MGMT: variants seen among roughly 807,000 people sequenced by gnomAD.
MGMT encodes the protein O-6-methylguanine-DNA methyltransferase, also known as methylated-DNA--protein-cysteine methyltransferase.
MGMT carries 14 observed loss-of-function variants against 15.9 expected under a neutral mutation model. The ratio of observed to expected loss-of-function variants is 0.88; its 90% confidence interval spans 0.58 to 1.37. The LOEUF is 1.37. Ranked by LOEUF, MGMT falls within the 40% of genes most tolerant of loss-of-function variation. The pLI is 0.00. For synonymous variants in MGMT, 130 were observed against 118.2 expected, an observed-to-expected ratio of 1.10 and a Z score of -0.65; for missense variants, 282 against 268.1, an observed-to-expected ratio of 1.05 and a Z score of -0.36.
intron 2 of MGMT, among the ~76,000 whole-genome samples, chr10:129,593,655 T>C (rs1299870760): frequency 5.9e-5 from 9 of 152,286 alleles, no homozygotes; most frequent in African/African-American, 1.9e-4. Context: ...CAACAATGGG[T>C]GGCTGAGGCG....
intron 1 of MGMT, among the ~76,000 whole-genome samples, chr10:129,485,757 T>C (rs4751087): frequency 0.1 from 15,583 of 152,296 alleles, 987 homozygotes; most frequent in Non-Finnish European, 0.13. Context: ...TTCTTGCTGC[T>C]CTGTCATGGC....
At chr10:129,483,024 T>C (rs73378874) in intron 1 of MGMT, among the ~76,000 whole-genome samples, 7,752 of 152,278 alleles carry the variant, frequency 0.051, 561 homozygotes, top group African/African-American at 0.16. Context: ...TTTTGAATGA[T>C]TCCAATTTAA....
At chr10:129,754,505 G>A (rs534075673) in intron 3 of MGMT, among the ~76,000 whole-genome samples, 10 of 152,300 alleles carry the variant, frequency 6.6e-5, no homozygotes, top group East Asian at 3.9e-4. Context: ...AGGAGCTGAC[G>A]TTCAAGGGCT....
chr10:129,478,264 A>G (rs1845318032), intron 1 of MGMT, among the ~76,000 whole-genome samples: 1 of 152,104 alleles, frequency 6.6e-6, no homozygotes, highest in African/African-American at 2.4e-5. Context: ...TGGTCAGTAT[A>G]CACACACTAA....
rs1297882382 is a variant in MGMT at position 129,602,920 on chromosome 10, T to C, written c.125+66543T>C. ...TTAAAAAAAAGTCATCTTTAAGATA[T>C]TAGCATGTGGATACCGAGGTTCCAC... On this transcript the variant is annotated intron_variant, in intron 2 of 4. Transcript: ENST00000651593. 3.3e-5 allele frequency among the ~76,000 whole-genome samples: 5 copies of C among 152,294 alleles called. No homozygotes were observed. In the South Asian group the frequency reaches 8.3e-4, roughly 25 times the overall value.
At chr10:129,584,485 T>C (rs999856973) in intron 2 of MGMT, among the ~76,000 whole-genome samples, 1 of 152,116 alleles carries the variant, frequency 6.6e-6, no homozygotes, top group Non-Finnish European at 1.5e-5. Context: ...TTTTACATAC[T>C]CTAAAATTTA....
intron 2 of MGMT, among the ~76,000 whole-genome samples, chr10:129,653,870 AAGCATGAGG>A (rs1217249354): frequency 6.6e-6 from 1 of 152,050 alleles, no homozygotes; most frequent in African/African-American, 2.4e-5. Context: ...GGGGCAGGAG[AAGCATGAGG>A]AGGACCCTGT....
intron 3 of MGMT, among the ~76,000 whole-genome samples, chr10:129,751,365 C>T (rs1848748671): frequency 6.6e-6 from 1 of 151,904 alleles, no homozygotes; most frequent in Non-Finnish European, 1.5e-5. Context: ...GGATCTGTGG[C>T]AATATCTTCT....
chr10:129,624,085 A>G lies in MGMT; in HGVS notation c.126-83810A>G, dbSNP rs569407350. ...AGGCCCCCTGCCTTGGTGAGGCAAC[A>G]CGCTCAGCGCCTGCGCGAATCTTCT... is the stretch of plus-strand genomic sequence containing the variant. On this transcript the variant is annotated intron_variant, in intron 2 of 4. Transcript: ENST00000651593. Among the ~76,000 whole-genome samples the G allele has an allele frequency of 2.1e-4, 32 of 152,384 alleles. No individual in the cohort carries two copies. The South Asian group carries it at 6.2e-3, about 30-fold the overall frequency.
chr10:129,609,897 C>T (rs539513651), intron 2 of MGMT, among the ~76,000 whole-genome samples: 6 of 152,130 alleles, frequency 3.9e-5, no homozygotes, highest in East Asian at 1.9e-4. Context: ...GAAAAAGGCC[C>T]GGGAGCTTGG....
rs1424203572 is a variant in MGMT at position 129,566,449 on chromosome 10, C to T, written c.125+30072C>T. ...CCTTGGCTCTGCCTGGACCCTCTCT[C>T]TCTTCCAGGCCTCTGTCCCACCAGG... On this transcript the variant is annotated intron_variant, in intron 2 of 4. Coordinates refer to ENST00000651593, the MANE Select transcript of MGMT (RefSeq NM_002412.5). The surrounding 1 kb of genome is among the most constrained non-coding windows in gnomAD (Gnocchi z 4.1). 1.3e-5 allele frequency among the ~76,000 whole-genome samples: 2 copies of T among 152,214 alleles called. No homozygotes were observed. The highest frequency in any genetic ancestry group is 2.9e-5 in the Non-Finnish European group (2 of 68,052).
At chr10:129,521,280 C>T (rs952803992) in intron 1 of MGMT, among the ~76,000 whole-genome samples, 1 of 152,080 alleles carries the variant, frequency 6.6e-6, no homozygotes, top group Admixed American at 6.6e-5. Flanking sequence ...GATTTCAATC[C>T]GTGTGTCCCC....
rs112658255 is a variant in MGMT at position 129,728,263 on chromosome 10, C to T, written c.274+20220C>T. ...AATTGCAGCAGTCACTTGAGAATGA[C>T]AGAGATGGGAAGGTTAGGGATTAGG... On this transcript the variant is annotated intron_variant, in intron 3 of 4. Transcript: ENST00000651593. 1.9e-3 allele frequency among the ~76,000 whole-genome samples: 286 copies of T among 152,244 alleles called. 2 individuals carry two copies. The highest frequency in any genetic ancestry group is 4.6e-3 in the African/African-American group (192 of 41,534).
At chr10:129,660,208 A>G (rs1847580055) in intron 2 of MGMT, among the ~76,000 whole-genome samples, 1 of 151,366 alleles carries the variant, frequency 6.6e-6, no homozygotes, top group Non-Finnish European at 1.5e-5. Context: ...CTTCTTTTTC[A>G]TTTCCCAGAA....
At chr10:129,570,356 A>G (rs1000594830) in intron 2 of MGMT, among the ~76,000 whole-genome samples, 1 of 152,268 alleles carries the variant, frequency 6.6e-6, no homozygotes, top group African/African-American at 2.4e-5. Context: ...TCACGAGTCC[A>G]GTGACGCTGA....
intron 2 of MGMT, among the ~76,000 whole-genome samples, chr10:129,539,314 G>C (rs1313680678): frequency 6.6e-6 from 1 of 151,772 alleles, no homozygotes; most frequent in Admixed American, 6.6e-5. Flanking sequence ...TTTTTTCCCT[G>C]TAGCTATTTA....
intron 2 of MGMT, among the ~76,000 whole-genome samples, chr10:129,583,121 T>A (rs145029445): frequency 2.0e-5 from 3 of 152,326 alleles, no homozygotes; most frequent in Non-Finnish European, 4.4e-5. Flanking sequence ...TCTGTGTGGT[T>A]TCCTGAAATA....
intron 2 of MGMT, among the ~76,000 whole-genome samples, chr10:129,571,947 A>G (rs911594863): frequency 1.1e-4 from 16 of 152,232 alleles, no homozygotes; most frequent in African/African-American, 3.9e-4. Flanking sequence ...TTTCCATTTG[A>G]CAATTCACGG....
chr10:129,625,221 A>C (rs912933066), intron 2 of MGMT, among the ~76,000 whole-genome samples: 7 of 152,260 alleles, frequency 4.6e-5, no homozygotes, highest in African/African-American at 1.4e-4. Flanking sequence ...TTGAAAATTA[A>C]AAATCTTCCC....
Sources: gnomAD v4.1 joint callset for allele counts (sites outside exome capture counted in the v4.1 genomes callset) on GRCh38, gnomAD v4.1.1 for gene constraint, Gnocchi (gnomAD v3.1) non-coding constraint, MANE v1.5 for transcripts, NCBI Gene and HGNC (gene_info 2026-07-23, HGNC 2026-07-21) for gene names.